Variants in TMEM108 observed in about 807,000 individuals in gnomAD.
The protein encoded by TMEM108 is cancer/testis antigen 124.
A neutral mutation model predicts 35.1 loss-of-function variants in TMEM108; 12 were observed. The observed-to-expected ratio is 0.34, with a 90% CI of 0.22 to 0.55. The LOEUF (loss-of-function observed/expected upper bound fraction) is 0.55, where lower values mean the gene tolerates loss of function less well. Ranked by LOEUF, TMEM108 falls within the 20% of genes least tolerant of loss-of-function variation. The pLI is 0.89. For missense variants in TMEM108, 680 were observed against 753.3 expected (o/e 0.90, Z 1.14); for synonymous variants, 287 against 308.6 (o/e 0.93, Z 0.73).
At chr3:133,234,229 G>A (rs1286802331) in intron 3 of TMEM108, among the ~76,000 whole-genome samples, 1 of 152,032 alleles carries the variant, frequency 6.6e-6, no homozygotes, top group African/African-American at 2.4e-5. Context: ...AAGGTGTAAG[G>A]AAGGGATCCA....
intron 3 of TMEM108, among the ~76,000 whole-genome samples, chr3:133,282,135 C>A (rs1195109582): frequency 6.6e-6 from 1 of 151,940 alleles, no homozygotes; most frequent in African/African-American, 2.4e-5. Flanking sequence ...CCAGCCTGGG[C>A]GACAGAGCGA....
chr3:133,388,632 T>C (rs2073189212), intron 4 of TMEM108: 1 of 985,268 alleles, frequency 1.0e-6, no homozygotes, highest in Admixed American at 6.1e-5. Context: ...GAAAAGCAAA[T>C]TAGAAGTCTT....
At chr3:133,243,135 G>A (rs1177341545) in intron 3 of TMEM108, among the ~76,000 whole-genome samples, 1 of 152,110 alleles carries the variant, frequency 6.6e-6, no homozygotes, top group African/African-American at 2.4e-5. Flanking sequence ...GCTTGAGAAG[G>A]GATGGTAATT....
rs115986316 is a variant in TMEM108 at position 133,388,955 on chromosome 3, C to T, written c.1451-1225C>T. On this transcript the variant is annotated intron_variant, in intron 4 of 5. Coordinates refer to ENST00000321871, the MANE Select transcript of TMEM108 (RefSeq NM_023943.4). ...CTCTGGACAGCCCAGCCTGGGACCC[C>T]GACTCCCCAGCACAGAGATGGTTGG... The T allele has an allele frequency of 4.8e-3, 4,713 of 985,590 alleles. 102 individuals are homozygous for T. In the African/African-American group the frequency reaches 0.055, roughly 11 times the overall value. The allele number at this position is 985,590 out of a possible 1,614,324, so 61.1% of individuals were successfully genotyped here. A position where few individuals can be genotyped will look rare whatever the true frequency, so the allele number is the denominator to read the frequency against.
chr3:133,158,127 G>T (rs1386947947), intron 2 of TMEM108, among the ~76,000 whole-genome samples: 1 of 151,954 alleles, frequency 6.6e-6, no homozygotes, highest in East Asian at 1.9e-4. Context: ...AAACAGAGTT[G>T]GGTTCTGCCC....
At chr3:133,207,869 A>G (rs1304271678) in intron 2 of TMEM108, among the ~76,000 whole-genome samples, 2 of 152,232 alleles carry the variant, frequency 1.3e-5, no homozygotes, top group Non-Finnish European at 2.9e-5. Context: ...AACAAGATCC[A>G]CAAATGCCAA....
intron 2 of TMEM108, among the ~76,000 whole-genome samples, chr3:133,191,306 T>G: frequency 6.6e-6 from 1 of 152,144 alleles, no homozygotes; most frequent in East Asian, 1.9e-4. Context: ...TTCACCAAGT[T>G]TTCTCTCTCA....
At chr3:133,353,465 C>T (rs2072067158) in intron 3 of TMEM108, among the ~76,000 whole-genome samples, 1 of 152,204 alleles carries the variant, frequency 6.6e-6, no homozygotes, top group South Asian at 2.1e-4. Flanking sequence ...AGTGTGACTT[C>T]ATATTACCAT....
chr3:133,332,234 A>T (rs2107728513), intron 3 of TMEM108, among the ~76,000 whole-genome samples: 1 of 152,250 alleles, frequency 6.6e-6, no homozygotes, highest in South Asian at 2.1e-4. Context: ...GAAGATGATA[A>T]ATGGTACAGT....
chr3:133,277,234 A>G (rs1016913384), intron 3 of TMEM108, among the ~76,000 whole-genome samples: 1 of 152,202 alleles, frequency 6.6e-6, no homozygotes, highest in Non-Finnish European at 1.5e-5. Flanking sequence ...TTCTGATCAT[A>G]ATTGTACCGT....
intron 2 of TMEM108, among the ~76,000 whole-genome samples, chr3:133,213,657 C>A (rs891711127): frequency 6.6e-6 from 1 of 152,168 alleles, no homozygotes; most frequent in Admixed American, 6.5e-5. Context: ...TAGCCAGAAA[C>A]AAATGATACT....
In TMEM108 at chr3:133,396,788, C is replaced by G. The variant is rs184119003; in HGVS notation, c.*802C>G. On this transcript the variant is annotated 3_prime_UTR_variant, in exon 6 of 6. Transcript: ENST00000321871. ...GAGGGTTTAGATGCAGATCCCGGCC[C>G]TGGAGCTTTAAAATGCTTGCCCTTC... is the stretch of plus-strand genomic sequence containing the variant. 6.6e-6 allele frequency: 1 copy of G among 152,188 alleles called. No individual in the cohort carries two copies. Among genetic ancestry groups the G allele is most frequent in the Non-Finnish European group, 1.5e-5 (1 of 68,038 alleles). The allele number at this position is 152,188 out of a possible 1,614,324, so 9.4% of individuals were successfully genotyped here.
chr3:133,061,378 A>AT lies in TMEM108; in HGVS notation c.-47+15366dup, dbSNP rs991238028. On this transcript the variant is annotated intron_variant, in intron 2 of 5. Coordinates refer to ENST00000321871, the MANE Select transcript of TMEM108 (RefSeq NM_023943.4). The stretch of plus-strand genomic sequence containing the variant: ...GGCGCCCGCCACCACACCCAGCTAA[A>AT]TTTTTTTTGTATTTTTAGTAGAGAT... Among the ~76,000 whole-genome samples the AT allele has an allele frequency of 9.9e-4, 150 of 151,612 alleles. 1 individual carries two copies. The highest frequency in any genetic ancestry group is 1.4e-3 in the Non-Finnish European group (94 of 67,812).
At chr3:133,088,721 C>T (rs1185586420) in intron 2 of TMEM108, among the ~76,000 whole-genome samples, 1 of 152,146 alleles carries the variant, frequency 6.6e-6, no homozygotes, top group Non-Finnish European at 1.5e-5. Context: ...ATTTGAATCG[C>T]TGCTTGCTAG....
At chr3:133,197,571 C>T (rs1945597119) in intron 2 of TMEM108, among the ~76,000 whole-genome samples, 1 of 152,156 alleles carries the variant, frequency 6.6e-6, no homozygotes, top group Admixed American at 6.6e-5. Context: ...TATTAACTCC[C>T]TGTATTTCTG....
chr3:133,245,170 C>T (rs1314431604), intron 3 of TMEM108, among the ~76,000 whole-genome samples: 2 of 152,156 alleles, frequency 1.3e-5, no homozygotes, highest in African/African-American at 4.8e-5. Context: ...GTGTTTAGTG[C>T]ATGAGGAAAT....
intron 5 of TMEM108, among the ~76,000 whole-genome samples, chr3:133,390,995 A>G (rs2073226885): frequency 2.0e-5 from 3 of 152,076 alleles, no homozygotes; most frequent in African/African-American, 7.2e-5. Flanking sequence ...CAGAATCCAT[A>G]CTCTTTCCAT....
chr3:133,298,006 A>G (rs1947170196), intron 3 of TMEM108, among the ~76,000 whole-genome samples: 1 of 152,136 alleles, frequency 6.6e-6, no homozygotes, highest in Non-Finnish European at 1.5e-5. Flanking sequence ...TAAGTCTCAG[A>G]TGCTTTGATC....
chr3:133,128,239 A>T (rs1293325280), intron 2 of TMEM108, among the ~76,000 whole-genome samples: 1 of 152,216 alleles, frequency 6.6e-6, no homozygotes, highest in East Asian at 1.9e-4. Flanking sequence ...GATAAAATTC[A>T]TCCACTCTGT....
Sources: gnomAD v4.1 joint callset for allele counts (sites outside exome capture counted in the v4.1 genomes callset) on GRCh38, gnomAD v4.1.1 for gene constraint, MANE v1.5 for transcripts, NCBI Gene and HGNC (gene_info 2026-07-23, HGNC 2026-07-21) for gene names.